The following ZMIZ2 variants were observed in gnomAD, a reference collection of about 807,000 sequenced individuals.
ZMIZ2 encodes zinc finger MIZ domain-containing protein 2.
ZMIZ2 carries 26 observed loss-of-function variants against 93.9 expected under a neutral mutation model. The ratio of observed to expected loss-of-function variants is 0.28; its 90% CI spans 0.20 to 0.38. ZMIZ2 has a LOEUF of 0.38. Ranked by LOEUF, ZMIZ2 falls within the 10% of genes least tolerant of loss-of-function variation. The pLI is 1.00. For synonymous variants in ZMIZ2, 485 were observed against 516.4 expected (o/e 0.94, Z 0.82); for missense variants, 1,023 against 1,235.0 (o/e 0.83, Z 2.57).
chr7:44,769,271 G>A lies in ZMIZ2; in HGVS notation c.*1648G>A, dbSNP rs1350336639. On this transcript the variant is annotated 3_prime_UTR_variant, in exon 19 of 19. Transcript: ENST00000309315. ...GAACCTAGGGGAGGAGGGGAGCGCT[G>A]GGCATCCTCAGGCTGGCGGCCAAGG... 1.3e-5 allele frequency: 2 copies of A among 152,696 alleles called. No individual in the cohort carries two copies. The highest frequency in any genetic ancestry group is 4.8e-5 in the African/African-American group (2 of 41,466). The allele number at this position is 152,696 out of a possible 1,614,324, so 9.5% of individuals were successfully genotyped here.
chr7:44,751,032 CAG>C (rs140159064), intron 1 of ZMIZ2: 1 of 152,294 alleles, frequency 6.6e-6, no homozygotes, highest in Non-Finnish European at 1.5e-5. Flanking sequence ...AGACTGTCCT[CAG>C]AGAGGAGACC....
chr7:44,750,730 A>AC (rs1790067064), intron 1 of ZMIZ2, among the ~76,000 whole-genome samples: 1 of 151,864 alleles, frequency 6.6e-6, no homozygotes, highest in Non-Finnish European at 1.5e-5. Context: ...ATGTGATCTG[A>AC]CCCCCGAGAA....
At chr7:44,753,137 C>T (rs1011572870) in intron 1 of ZMIZ2, among the ~76,000 whole-genome samples, 1 of 151,936 alleles carries the variant, frequency 6.6e-6, no homozygotes, top group Non-Finnish European at 1.5e-5. Flanking sequence ...GCTTATTTGC[C>T]ATCTGTATAT....
At chr7:44,755,569 G>A (rs915866608) in intron 1 of ZMIZ2, among the ~76,000 whole-genome samples, 1 of 152,150 alleles carries the variant, frequency 6.6e-6, no homozygotes, top group African/African-American at 2.4e-5. Context: ...GAGGTATCCT[G>A]CATGTCCCTC....
chr7:44,757,363 CTG>C lies in ZMIZ2; in HGVS notation c.369-11_369-10del. The C allele has an allele frequency of 6.3e-7, 1 of 1,595,820 alleles. No individual in the cohort carries two copies. The highest frequency in any genetic ancestry group is 8.5e-7 in the Non-Finnish European group (1 of 1,176,942). On this transcript the variant is annotated splice_polypyrimidine_tract_variant and intron_variant, in intron 4 of 18. Coordinates refer to ENST00000309315, the MANE Select transcript of ZMIZ2 (RefSeq NM_031449.4). Reference sequence around the variant, plus strand: ...AGCCCACGCAGAGAGCGTGGCAATCCTGTGTCTCCTGCAGGTATGCAGGCGGC... The same window carrying C: ...AGCCCACGCAGAGAGCGTGGCAATCCTGTCTCCTGCAGGTATGCAGGCGGC...
At position 44,759,348 on chromosome 7, in the gene ZMIZ2, G is replaced by A; in HGVS notation, c.881G>A (p.Ser294Asn). ...YAPSTAQFAPSPGQPPAPSPS... is the reference protein window; with the variant it reads ...YAPSTAQFAPNPGQPPAPSPS... ...CCCAGCACCGCCCAGTTTGCGCCCA[G>A]CCCTGGGCAGCCCCCTGCCCCCTCC... Residue 294 changes from serine (S) to asparagine (N), a missense_variant, in exon 7 of 19, where the codon AGC (serine) becomes AAC (asparagine). Physicochemically the swap from Ser to Asn is conservative, Grantham distance 46 (BLOSUM62 1). Transcript: ENST00000309315. The A allele has an allele frequency of 1.2e-5, 19 of 1,604,950 alleles. No homozygotes were observed. The highest frequency in any genetic ancestry group is 2.3e-5 in the East Asian group (1 of 43,772).
chr7:44,757,842 TC>T lies in ZMIZ2; in HGVS notation c.553-4del, dbSNP rs1273078659. ...CCTGGACCATTCTTCTTTTTTCTCT[TC>T]CTAGATGGGGGCCGGACAGTCTTTT... On this transcript the variant is annotated splice_region_variant and splice_polypyrimidine_tract_variant and intron_variant, in intron 5 of 18. Transcript: ENST00000309315. 4 of 1,545,944 alleles carry T rather than the reference TC, an allele frequency of 2.6e-6. No homozygotes were observed. Among genetic ancestry groups the T allele is most frequent in the South Asian group, 2.5e-5 (2 of 81,294 alleles).
Position 44,757,978 on chromosome 7 carries a change from C to T in ZMIZ2, c.683C>T (p.Ala228Val). The T allele has an allele frequency of 6.2e-7, 1 of 1,612,694 alleles. No individual in the cohort carries two copies. Among genetic ancestry groups the T allele is most frequent in the African/African-American group, 1.3e-5 (1 of 75,054 alleles). ...GGCCCCTCTGGCCTCTCCCCCTTGG[C>T]TATGAACCCCACCCGGGCAGCAGGA... ...VMGPSGLSPL[A>V]MNPTRAAGMT... The change falls in exon 6 of 19, where the codon GCT becomes GTT. Residue 228 changes from alanine to valine, a missense_variant. Around this residue, in one of 3 missense-constraint regions of ZMIZ2, gnomAD observed 656 missense variants for 777.1 expected, o/e 0.84. Transcript: ENST00000309315.
chr7:44,761,354 G>A lies in ZMIZ2; in HGVS notation c.1241-95G>A, dbSNP rs527671664. On this transcript the variant is annotated intron_variant, in intron 9 of 18. Transcript: ENST00000309315. This position sits in a 1 kb window ranked among gnomAD's most constrained non-coding sequence, Gnocchi z 5.8. ...GGGCTCCCTTCACCAAGGTCCCTGC[G>A]GGGAAGGTGGCTGGGGAGCCGCTGC... The A allele has an allele frequency of 2.5e-3, 3,834 of 1,538,764 alleles. 8 individuals are homozygous for A. The highest frequency in any genetic ancestry group is 3.0e-3 in the Non-Finnish European group (3,412 of 1,148,610).
chr7:44,757,540 G>A lies in ZMIZ2; in HGVS notation c.531G>A (p.Gln177=). ...TVAALQEKQS[Q]ELSQYGAMGA... ...CTGCTCTCCAGGAGAAGCAGAGCCA[G>A]GAGCTGAGCCAGTATGGAGCGGTGA... The change falls in exon 5 of 19, where the codon CAG becomes CAA. Residue 177 remains glutamine (Q), a synonymous_variant. Transcript: ENST00000309315. 6.2e-7 allele frequency: 1 copy of A among 1,608,356 alleles called. No individual in the cohort carries two copies. Among genetic ancestry groups the A allele is most frequent in the Non-Finnish European group, 8.5e-7 (1 of 1,178,040 alleles).
At chr7:44,757,693 T>G in intron 5 of ZMIZ2, 132 bp downstream of exon 5, 3 of 1,395,048 alleles carry the variant, frequency 2.2e-6, no homozygotes, top group Non-Finnish European at 1.9e-6. Context: ...AAAAGAGAGA[T>G]GTGTGGGAAG....
At position 44,757,012 on chromosome 7, in the gene ZMIZ2, A is replaced by G; in HGVS notation, c.231A>G (p.Ala77=). The part of the protein sequence containing the change: ...PSGSSMMPGV[A]GGSSALTSPQ... ...GCAGCTCCATGATGCCTGGTGTGGC[A>G]GGGGGCAGCTCCGCCTTGACCTCCC... The change falls in exon 4 of 19, where the codon GCA becomes GCG. Residue 77 remains alanine (A), a synonymous_variant. Transcript: ENST00000309315. The G allele has an allele frequency of 3.7e-6, 6 of 1,612,570 alleles. No individual in the cohort carries two copies. The highest frequency in any genetic ancestry group is 5.1e-6 in the Non-Finnish European group (6 of 1,179,470).
rs1790659283 is a variant in ZMIZ2 at position 44,757,080 on chromosome 7, A to C, written c.299A>C (p.Asn100Thr). Residue 100 changes from asparagine to threonine, a missense_variant, in exon 4 of 19, where the codon AAC (asparagine) becomes ACC (threonine). Physicochemically the swap from Asn to Thr is moderately conservative, Grantham distance 65. Around this residue, in one of 3 missense-constraint regions of ZMIZ2, gnomAD observed 656 missense variants for 777.1 expected, o/e 0.84. Transcript: ENST00000309315. ...GQQAFAEGGA[N>T]KGYVQQGVYS... ...CAGGCGTTTGCTGAAGGCGGCGCCAACAAGGGCTACGTGCAGCAAGGCGTG... is the reference window on the plus strand; with the variant it reads ...CAGGCGTTTGCTGAAGGCGGCGCCACCAAGGGCTACGTGCAGCAAGGCGTG... The C allele has an allele frequency of 6.2e-7, 1 of 1,607,258 alleles. No homozygotes were observed. The highest frequency in any genetic ancestry group is 1.7e-5 in the Admixed American group (1 of 57,966).
chr7:44,757,111 C>G lies in ZMIZ2; in HGVS notation c.330C>G (p.Ser110Arg), dbSNP rs758162098. 1 of 1,600,308 alleles carries G rather than the reference C, an allele frequency of 6.2e-7. No homozygotes were observed. The highest frequency in any genetic ancestry group is 1.1e-5 in the South Asian group (1 of 89,634). ...GCTACGTGCAGCAAGGCGTGTACAG[C>G]CGCGGGGGCTACCCTGGGGCCCCCG... The part of the protein sequence containing the change: ...NKGYVQQGVY[S>R]RGGYPGAPGF... The change falls in exon 4 of 19, where the codon AGC becomes AGG. Residue 110 changes from serine (S) to arginine (R), a missense_variant. Around this residue, in one of 3 missense-constraint regions of ZMIZ2, gnomAD observed 656 missense variants for 777.1 expected, o/e 0.84. Transcript: ENST00000309315.
intron 1 of ZMIZ2, among the ~76,000 whole-genome samples, chr7:44,755,849 C>T (rs1049606044): frequency 6.6e-6 from 1 of 152,144 alleles, no homozygotes; most frequent in Non-Finnish European, 1.5e-5. Context: ...TTGTCCCTGG[C>T]TTTATAAGGA....
At position 44,769,252 on chromosome 7, in the gene ZMIZ2, AG is replaced by A. The variant is rs1791978373; in HGVS notation, c.*1633del. ...AAGAACTGGGGGAACACAGGAACCT[AG>A]GGGAGGAGGGGAGCGCTGGGCATCC... On this transcript the variant is annotated 3_prime_UTR_variant, in exon 19 of 19. Transcript: ENST00000309315. The A allele has an allele frequency of 6.6e-6, 1 of 152,648 alleles. No homozygotes were observed. Among genetic ancestry groups the A allele is most frequent in the African/African-American group, 2.4e-5 (1 of 41,438 alleles). 9.5% of individuals were successfully genotyped at this position (152,648 alleles called of 1,614,324 possible).
In ZMIZ2 at chr7:44,759,288, C is replaced by A; in HGVS notation, c.821C>A (p.Pro274Gln). ...ATTTTGCCTCTTTTTCAGGTGTATC[C>A]AGGGCAGCAGTATCTGCAAGGAGGC... The part of the protein sequence containing the change: ...GVKRTYSEVY[P>Q]GQQYLQGGQY... The change falls in exon 7 of 19, where the codon CCA (proline) becomes CAA (glutamine). Residue 274 changes from proline to glutamine, a missense_variant. By Grantham distance (76) the Pro-to-Gln change is moderately conservative. Around this residue, in one of 3 missense-constraint regions of ZMIZ2, gnomAD observed 656 missense variants for 777.1 expected, o/e 0.84. Transcript: ENST00000309315. 1 of 1,540,630 alleles carries A rather than the reference C, an allele frequency of 6.5e-7. No homozygotes were observed.
rs1468416380 is a variant in ZMIZ2 at position 44,761,799 on chromosome 7, C to T, written c.1490C>T (p.Thr497Ile). ...VQVSVNATPL[T>I]IERGDNKTSH... is the part of the protein sequence containing the mutation. ...GTCAGCGTCAATGCCACGCCGCTCA[C>T]CATCGAGCGTGGCGACAACAAGACC... is the stretch of plus-strand genomic sequence containing the variant. Residue 497 changes from threonine to isoleucine, a missense_variant, in exon 11 of 19, where the codon ACC becomes ATC. By Grantham distance (89) the Thr-to-Ile change is moderately conservative. Transcript: ENST00000309315. The surrounding 1 kb of genome is among the most constrained non-coding windows in gnomAD (Gnocchi z 5.8). The T allele has an allele frequency of 1.2e-6, 2 of 1,613,846 alleles. No individual in the cohort carries two copies. The highest frequency in any genetic ancestry group is 1.7e-6 in the Non-Finnish European group (2 of 1,180,040).
In ZMIZ2 at chr7:44,768,657, T is replaced by G. The variant is rs749741682; in HGVS notation, c.*1034T>G. 4.6e-5 allele frequency: 7 copies of G among 152,226 alleles called. No individual in the cohort carries two copies. Among genetic ancestry groups the G allele is most frequent in the South Asian group, 2.1e-4 (1 of 4,812 alleles). 9.4% of individuals were successfully genotyped at this position (152,226 alleles called of 1,614,324 possible). ...CGCCTGGGCTGTTGTGTCTCCTGTCTGTGCCGATCTCTATTAAAGGACTCC... is the reference window on the plus strand; with the variant it reads ...CGCCTGGGCTGTTGTGTCTCCTGTCGGTGCCGATCTCTATTAAAGGACTCC... On this transcript the variant is annotated 3_prime_UTR_variant, in exon 19 of 19. Coordinates refer to ENST00000309315, the MANE Select transcript of ZMIZ2 (RefSeq NM_031449.4).
Sources: allele counts gnomAD v4.1 joint callset (sites outside exome capture counted in the v4.1 genomes callset), GRCh38; gene constraint gnomAD v4.1.1; regional missense constraint gnomAD v4.1.1; non-coding constraint Gnocchi (gnomAD v3.1); transcripts MANE v1.5; gene names NCBI Gene and HGNC (gene_info 2026-07-23, HGNC 2026-07-21).